SRP68: variants seen among roughly 807,000 people sequenced by gnomAD.
SRP68 encodes the protein signal recognition particle 68, also known as signal recognition particle subunit SRP68.
In SRP68, 15 loss-of-function variants were observed where a neutral mutation model predicts 82.2. The observed-to-expected ratio is 0.18, with a 90% CI of 0.12 to 0.28. The LOEUF (loss-of-function observed/expected upper bound fraction) is 0.28, where lower values mean the gene tolerates loss of function less well. Among genes scored for constraint, SRP68 ranks in the 10% least tolerant of loss-of-function variants. The pLI, the probability that SRP68 is intolerant of heterozygous loss-of-function variation, is 1.00. For synonymous variants in SRP68, 261 were observed against 292.6 expected (o/e 0.89, Z 1.10); for missense variants, 595 against 780.5 (o/e 0.76, Z 2.83).
At chr17:76,056,897 C>A (rs889947763) in intron 8 of SRP68, among the ~76,000 whole-genome samples, 12 of 152,124 alleles carry the variant, frequency 7.9e-5, no homozygotes, top group African/African-American at 2.9e-4. Flanking sequence ...TTGTTTGTAC[C>A]CACCAATAGG....
intron 9 of SRP68, chr17:76,049,571 A>G (rs921530741): frequency 1.3e-5 from 2 of 152,232 alleles, no homozygotes; most frequent in Admixed American, 6.5e-5. Context: ...AGGCTTGTAC[A>G]CCAGCTCAAG....
intron 8 of SRP68, among the ~76,000 whole-genome samples, chr17:76,053,265 CA>C (rs34472995): frequency 0.51 from 42,159 of 82,718 alleles, 7,808 homozygotes; most frequent in African/African-American, 0.68. Context: ...GACCCTGTCT[CA>C]AAAAAAAAAA....
chr17:76,064,139 C>G lies in SRP68; in HGVS notation c.398G>C (p.Arg133Thr). Reference sequence around the variant, plus strand: ...CAGCTGCATGGCGTAGCTCCAGGCTCTTTCAGCATCCATCAGAACCAGAAG... The same window carrying G: ...CAGCTGCATGGCGTAGCTCCAGGCTGTTTCAGCATCCATCAGAACCAGAAG... The part of the protein sequence containing the change: ...YLLLVLMDAE[R>T]AWSYAMQLKQ... Residue 133 changes from arginine (R) to threonine (T), a missense_variant, in exon 4 of 16, where the codon AGA (arginine) becomes ACA (threonine). Physicochemically the swap from Arg to Thr is moderately conservative, Grantham distance 71. This residue lies in a region of SRP68 where 495 missense variants were observed against 688.6 expected (regional missense o/e 0.72). Coordinates refer to ENST00000307877, the MANE Select transcript of SRP68 (RefSeq NM_014230.4). 6.2e-7 allele frequency: 1 copy of G among 1,614,186 alleles called. No homozygotes were observed. Among genetic ancestry groups the G allele is most frequent in the Non-Finnish European group, 8.5e-7 (1 of 1,180,036 alleles).
At chr17:76,048,058 G>A (rs1474268767) in intron 9 of SRP68, 88 bp from the exon 10 acceptor site, 4 of 729,694 alleles carry the variant, frequency 5.5e-6, no homozygotes, top group African/African-American at 1.8e-5. Context: ...TCTCCAAAGT[G>A]CCCTGAACAT....
intron 2 of SRP68, among the ~76,000 whole-genome samples, chr17:76,069,889 C>T (rs1383604864): frequency 1.3e-5 from 2 of 151,606 alleles, no homozygotes; most frequent in Non-Finnish European, 1.5e-5. Context: ...CCAGCCTGGC[C>T]AACATGGCGA....
intron 8 of SRP68, 59 bp downstream of exon 8, chr17:76,057,344 C>T (rs2066720016): frequency 5.6e-6 from 9 of 1,603,206 alleles, no homozygotes; most frequent in South Asian, 4.4e-5. Context: ...ACATCTTAAA[C>T]ACACAGGACA....
chr17:76,061,076 A>C (rs754009964), intron 6 of SRP68, 34 bp downstream of exon 6: 2 of 1,317,818 alleles, frequency 1.5e-6, no homozygotes, highest in South Asian at 1.2e-5. Flanking sequence ...ATCAATGTTC[A>C]AGTTGAGTAT....
At chr17:76,059,809 G>T (rs889288802) in intron 7 of SRP68, among the ~76,000 whole-genome samples, 2 of 105,746 alleles carry the variant, frequency 1.9e-5, no homozygotes, top group East Asian at 2.8e-4. Context: ...AAAAAAAAAA[G>T]AATACTTCAA....
At chr17:76,070,849 T>TGCACAC (rs2066846526) in intron 1 of SRP68, among the ~76,000 whole-genome samples, 1 of 69,708 alleles carries the variant, frequency 1.4e-5, no homozygotes, top group Non-Finnish European at 2.6e-5. Flanking sequence ...CACATGCACA[T>TGCACAC]GCACACACAC....
chr17:76,046,922 C>G (rs1457911779), intron 10 of SRP68, among the ~76,000 whole-genome samples: 1 of 152,156 alleles, frequency 6.6e-6, no homozygotes, highest in Non-Finnish European at 1.5e-5. Context: ...GCCTGGGCGA[C>G]AGAGCGAGAC....
Position 76,072,087 on chromosome 17 carries a change from G to T in SRP68, c.184+221C>A. 1 of 851,676 alleles carries T rather than the reference G, an allele frequency of 1.2e-6. No individual in the cohort carries two copies. The highest frequency in any genetic ancestry group is 1.8e-6 in the Non-Finnish European group (1 of 570,202). 52.8% of individuals were successfully genotyped at this position (851,676 alleles called of 1,614,324 possible). ...CCTGCCTGATATCCCAGTGCCACTG[G>T]AAGAAACGGACCTAGCCAGGACGGC... On this transcript the variant is annotated intron_variant, in intron 1 of 15. Coordinates refer to ENST00000307877, the MANE Select transcript of SRP68 (RefSeq NM_014230.4). This position sits in a 1 kb window ranked among gnomAD's most constrained non-coding sequence, Gnocchi z 4.5.
At chr17:76,046,295 G>T in intron 10 of SRP68, 101 bp from the exon 11 acceptor site, 1 of 1,359,770 alleles carries the variant, frequency 7.4e-7, no homozygotes, top group Non-Finnish European at 1.0e-6. Context: ...AGCAGGGGGC[G>T]GGTGGGGGCG....
chr17:76,064,165 C>A lies in SRP68; in HGVS notation c.372G>T (p.Leu124Phe). Residue 124 changes from leucine to phenylalanine, a missense_variant, in exon 4 of 16, where the codon TTG (leucine) becomes TTT (phenylalanine). Transcript: ENST00000307877. ...TTTCAGCATCCATCAGAACCAGAAG[C>A]AAGTATCTAGACCAGAGACAGAAGT... ...TEELLTDNRY[L>F]LLVLMDAERA... The A allele has an allele frequency of 6.2e-7, 1 of 1,614,062 alleles. No homozygotes were observed. The highest frequency in any genetic ancestry group is 8.5e-7 in the Non-Finnish European group (1 of 1,179,922).
intron 3 of SRP68, among the ~76,000 whole-genome samples, chr17:76,066,598 C>T (rs888899516): frequency 1.3e-5 from 2 of 151,496 alleles, no homozygotes; most frequent in African/African-American, 4.9e-5. Flanking sequence ...CATTTGCCAT[C>T]CCAACAGGTT....
intron 2 of SRP68, among the ~76,000 whole-genome samples, chr17:76,069,287 C>G (rs924275536): frequency 1.3e-5 from 2 of 151,776 alleles, no homozygotes; most frequent in African/African-American, 4.8e-5. Context: ...ACTCGGGAGG[C>G]TGAGGCAGGA....
intron 9 of SRP68, 76 bp from the exon 10 acceptor site, chr17:76,048,046 G>A (rs146337217): frequency 1.1e-6 from 1 of 933,434 alleles, no homozygotes; most frequent in African/African-American, 1.7e-5. Flanking sequence ...GGAATGGTGG[G>A]GTCTCCAAAG....
intron 12 of SRP68, among the ~76,000 whole-genome samples, chr17:76,044,452 T>C (rs1485703770): frequency 6.6e-6 from 1 of 151,826 alleles, no homozygotes; most frequent in African/African-American, 2.4e-5. Flanking sequence ...GGCCATGGAG[T>C]GAAGACGGGG....
chr17:76,062,222 G>A (rs546483595), intron 4 of SRP68, among the ~76,000 whole-genome samples: 7 of 151,080 alleles, frequency 4.6e-5, no homozygotes, highest in Non-Finnish European at 8.8e-5. Context: ...GGGAGGCAGA[G>A]GTTGCAATGG....
At position 76,062,606 on chromosome 17, in the gene SRP68, TATTATATAATATATAATATAC is replaced by T. The variant is rs2066766060; in HGVS notation, c.562-1053_562-1033del. Among the ~76,000 whole-genome samples, 10 of 88,126 alleles carry T rather than the reference TATTATATAATATATAATATAC, an allele frequency of 1.1e-4. 1 individual carries two copies. Among genetic ancestry groups the T allele is most frequent in the Non-Finnish European group, 2.0e-4 (10 of 50,496 alleles). 57.8% of individuals were successfully genotyped at this position (88,126 alleles called of 152,430 possible). The stretch of plus-strand genomic sequence containing the variant: ...TATATAATATATAATATACATTATA[TATTATATAATATATAATATAC>T]ATTATATATTATATAATATACATTA... On this transcript the variant is annotated intron_variant, in intron 4 of 15. Coordinates refer to ENST00000307877, the MANE Select transcript of SRP68 (RefSeq NM_014230.4).
Sources: gnomAD v4.1 joint callset for allele counts (sites outside exome capture counted in the v4.1 genomes callset) on GRCh38, gnomAD v4.1.1 for gene constraint, gnomAD v4.1.1 regional missense constraint, Gnocchi (gnomAD v3.1) non-coding constraint, MANE v1.5 for transcripts, NCBI Gene and HGNC (gene_info 2026-07-23, HGNC 2026-07-21) for gene names.